DUS1L: variants seen among roughly 807,000 people sequenced by gnomAD.
DUS1L encodes the protein dihydrouridine synthase 1 like, also known as tRNA-dihydrouridine(16/17) synthase [NAD(P)(+)]-like.
In DUS1L, 56 loss-of-function variants were observed where a neutral mutation model predicts 61.2. The ratio of observed to expected loss-of-function variants is 0.92; its 90% CI spans 0.74 to 1.14. The LOEUF (loss-of-function observed/expected upper bound fraction) is 1.14, where lower values mean the gene tolerates loss of function less well. Among genes scored for constraint, DUS1L ranks in the 50% most tolerant of loss-of-function variants. The pLI is 0.00. For synonymous variants in DUS1L, 278 were observed against 259.5 expected (o/e 1.07, Z -0.69); for missense variants, 630 against 632.4 (o/e 1.00, Z 0.04).
Position 82,057,997 on chromosome 17 carries a change from G to A in DUS1L, c.*118C>T. On this transcript the variant is annotated 3_prime_UTR_variant, in exon 14 of 14. Coordinates refer to ENST00000306796, the MANE Select transcript of DUS1L (RefSeq NM_022156.5). ...CAGGCCCCCAGAGTGGGCCGAAGGG[G>A]GACATGGGCGTGTCTTTCCACATTA... The A allele has an allele frequency of 7.5e-7, 1 of 1,329,558 alleles. No individual in the cohort carries two copies. The highest frequency in any genetic ancestry group is 9.9e-7 in the Non-Finnish European group (1 of 1,007,454). The allele number at this position is 1,329,558 out of a possible 1,614,324, so 82.4% of individuals were successfully genotyped here. A position where few individuals can be genotyped will look rare whatever the true frequency, so the allele number is the denominator to read the frequency against.
At chr17:82,058,535 C>T in intron 12 of DUS1L, 119 bp from the exon 13 acceptor site, 4 of 1,466,818 alleles carry the variant, frequency 2.7e-6, no homozygotes, top group African/African-American at 2.8e-5. Flanking sequence ...TGGATGCAGC[C>T]CTGGGAACTG....
At chr17:82,059,854 G>A in intron 11 of DUS1L, 94 bp downstream of exon 11, 1 of 1,554,622 alleles carries the variant, frequency 6.4e-7, no homozygotes, top group Non-Finnish European at 8.8e-7. Context: ...CTTGAGCCTT[G>A]CTGACCACAA....
chr17:82,058,874 G>T, intron 11 of DUS1L, 56 bp from the exon 12 acceptor site: 1 of 1,510,158 alleles, frequency 6.6e-7, no homozygotes, highest in East Asian at 2.3e-5. Flanking sequence ...CCTGGCTGTG[G>T]GGGCTGCCCC....
chr17:82,061,169 C>T lies in DUS1L; in HGVS notation c.842+40G>A, dbSNP rs1396323277. Reference sequence around the variant, plus strand: ...TGGGGTCTGACGGAATCTGCCTGGGCGGCCCTCCAACGTGGCTTCTGCCTT... The same window carrying T: ...TGGGGTCTGACGGAATCTGCCTGGGTGGCCCTCCAACGTGGCTTCTGCCTT... On this transcript the variant is annotated intron_variant, in intron 8 of 13. Transcript: ENST00000306796. 12 of 1,558,834 alleles carry T rather than the reference C, an allele frequency of 7.7e-6. No individual in the cohort carries two copies. The East Asian group carries it at 2.0e-4, about 26-fold the overall frequency.
chr17:82,059,304 C>A, intron 11 of DUS1L: 1 of 181,744 alleles, frequency 5.5e-6, no homozygotes, highest in South Asian at 1.3e-4. Context: ...ACTGCTGGCA[C>A]CAGCCTGATG....
chr17:82,058,572 C>T, intron 12 of DUS1L, 156 bp from the exon 13 acceptor site: 1 of 1,450,814 alleles, frequency 6.9e-7, no homozygotes, highest in Non-Finnish European at 9.0e-7. Flanking sequence ...CTCTCCCTCA[C>T]CCCCACCCAC....
chr17:82,059,559 C>T, intron 11 of DUS1L: 1 of 199,156 alleles, frequency 5.0e-6, no homozygotes, highest in Non-Finnish European at 1.0e-5. Context: ...GTGCCTTTGG[C>T]CCAGCAACAA....
At position 82,060,871 on chromosome 17, in the gene DUS1L, C is replaced by T. The variant is rs753260695; in HGVS notation, c.933G>A (p.Arg311=). ...CACCAGCCCCAGCACCTGCCTGACACCGCAGCTTCAGCTCCTGGCTCACAG... is the reference window on the plus strand; with the variant it reads ...CACCAGCCCCAGCACCTGCCTGACATCGCAGCTTCAGCTCCTGGCTCACAG... ...IAAVSQELKL[R]CQEEISRQEG... The change falls in exon 9 of 14, where the codon CGG becomes CGA. Residue 311 remains arginine (R), a synonymous_variant. Coordinates refer to ENST00000306796, the MANE Select transcript of DUS1L (RefSeq NM_022156.5). 2 of 1,612,080 alleles carry T rather than the reference C, an allele frequency of 1.2e-6. No individual in the cohort carries two copies. Among genetic ancestry groups the T allele is most frequent in the East Asian group, 4.5e-5 (2 of 44,876 alleles).
intron 10 of DUS1L, chr17:82,060,323 G>A (rs112148951): frequency 1.1e-5 from 7 of 616,856 alleles, no homozygotes; most frequent in African/African-American, 1.1e-4. Flanking sequence ...TGAACCACCA[G>A]CTCCAGGGAG....
intron 6 of DUS1L, 28 bp downstream of exon 6, chr17:82,061,873 G>A (rs1200198932): frequency 6.3e-7 from 1 of 1,594,706 alleles, no homozygotes. Flanking sequence ...CCCAAGGACT[G>A]AGGGCTGTGT....
At chr17:82,064,002 C>T in intron 3 of DUS1L, 124 bp downstream of exon 3, 1 of 819,168 alleles carries the variant, frequency 1.2e-6, no homozygotes, top group Non-Finnish European at 1.9e-6. Flanking sequence ...CAGCTGGCTC[C>T]AGCCTGAGCC....
chr17:82,061,767 C>T (rs1389530851), intron 6 of DUS1L, 46 bp from the exon 7 acceptor site: 5 of 1,602,774 alleles, frequency 3.1e-6, no homozygotes, highest in Non-Finnish European at 4.3e-6. Context: ...GAACAGCACC[C>T]AGGTGATGCT....
In DUS1L at chr17:82,058,410, T is replaced by G; in HGVS notation, c.1213A>C (p.Arg405=). ...CCGCGGCACAGGCTGAACACACATC[T>G]GTTGCCCTGGGCACAGGAAATCTCG... ...CDQCGNPKGN[R]CVFSLCRGCC... Residue 405 remains arginine, a synonymous_variant, in exon 13 of 14, where the codon AGA becomes CGA. Transcript: ENST00000306796. 1 of 1,490,576 alleles carries G rather than the reference T, an allele frequency of 6.7e-7. No homozygotes were observed. Among genetic ancestry groups the G allele is most frequent in the Non-Finnish European group, 8.9e-7 (1 of 1,118,600 alleles). The allele number at this position is 1,490,576 out of a possible 1,614,324, so 92.3% of individuals were successfully genotyped here.
chr17:82,063,006 C>T (rs768971022), intron 4 of DUS1L, 33 bp from the exon 5 acceptor site: 1 of 1,567,258 alleles, frequency 6.4e-7, no homozygotes, highest in East Asian at 2.2e-5. Flanking sequence ...CTGAGGGGGC[C>T]ATGGTGTTCC....
Position 82,057,958 on chromosome 17 carries a change from C to T in DUS1L, c.*157G>A. On this transcript the variant is annotated 3_prime_UTR_variant, in exon 14 of 14. Transcript: ENST00000306796. ...CAGGTCCAGCCTGGGGCCTGCTCCCCACTGCAGCATTTCCAGGCCCCCAGA... is the reference window on the plus strand; with the variant it reads ...CAGGTCCAGCCTGGGGCCTGCTCCCTACTGCAGCATTTCCAGGCCCCCAGA... 3 of 907,910 alleles carry T rather than the reference C, an allele frequency of 3.3e-6. No homozygotes were observed. The highest frequency in any genetic ancestry group is 4.7e-6 in the Non-Finnish European group (3 of 641,562). The allele number at this position is 907,910 out of a possible 1,614,324, so 56.2% of individuals were successfully genotyped here. A position where few individuals can be genotyped will look rare whatever the true frequency, so the allele number is the denominator to read the frequency against.
chr17:82,062,692 G>A (rs2033568310), intron 5 of DUS1L, among the ~76,000 whole-genome samples, 169 bp downstream of exon 5: 2 of 152,252 alleles, frequency 1.3e-5, no homozygotes, highest in Non-Finnish European at 2.9e-5. Flanking sequence ...TAGAGGCCTG[G>A]GCTTGGGGTG....
At chr17:82,058,885 G>T in intron 11 of DUS1L, 67 bp from the exon 12 acceptor site, 1 of 1,431,974 alleles carries the variant, frequency 7.0e-7, no homozygotes, top group Non-Finnish European at 9.8e-7. Context: ...GGGCTGCCCC[G>T]TCCGCCTGCA....
chr17:82,057,660 T>A lies in DUS1L; in HGVS notation c.*455A>T, dbSNP rs780159845. 12 of 229,346 alleles carry A rather than the reference T, an allele frequency of 5.2e-5. No homozygotes were observed. Among genetic ancestry groups the A allele is most frequent in the South Asian group, 2.6e-4 (5 of 19,390 alleles). 14.2% of individuals were successfully genotyped at this position (229,346 alleles called of 1,614,324 possible). On this transcript the variant is annotated 3_prime_UTR_variant, in exon 14 of 14. Coordinates refer to ENST00000306796, the MANE Select transcript of DUS1L (RefSeq NM_022156.5). ...CTCGCAGGCGGTGCTTCCAAGGCTG[T>A]GAGGCATCACGAAGCTCCCGGAGGC...
chr17:82,063,004 G>A (rs749693862), intron 4 of DUS1L, 31 bp from the exon 5 acceptor site: 5 of 1,572,660 alleles, frequency 3.2e-6, no homozygotes, highest in Non-Finnish European at 3.5e-6. Context: ...TTCTGAGGGG[G>A]CCATGGTGTT....
Sources: gnomAD v4.1 joint callset for allele counts (sites outside exome capture counted in the v4.1 genomes callset) on GRCh38, gnomAD v4.1.1 for gene constraint, MANE v1.5 for transcripts, NCBI Gene and HGNC (gene_info 2026-07-23, HGNC 2026-07-21) for gene names.